PRKCE: variants seen among roughly 807,000 people sequenced by gnomAD.
The protein encoded by PRKCE is protein kinase C epsilon, also known as protein kinase C epsilon type.
In PRKCE, 16 loss-of-function variants were observed where a neutral mutation model predicts 85.4. The ratio of observed to expected loss-of-function variants is 0.19; its 90% CI spans 0.13 to 0.28. PRKCE has a LOEUF of 0.28. Among genes scored for constraint, PRKCE ranks in the 10% least tolerant of loss-of-function variants. The pLI is 1.00. For missense variants in PRKCE, 573 were observed against 975.2 expected (o/e 0.59, Z 5.49); for synonymous variants, 388 against 371.5 (o/e 1.04, Z -0.51).
At chr2:45,808,972 C>T (rs139810660) in intron 1 of PRKCE, among the ~76,000 whole-genome samples, 3 of 152,238 alleles carry the variant, frequency 2.0e-5, no homozygotes, top group South Asian at 2.1e-4. Context: ...CTACTGTACC[C>T]GGCTCTAATC....
At chr2:45,983,680 T>C (rs1321759189) in intron 5 of PRKCE, among the ~76,000 whole-genome samples, 1 of 152,098 alleles carries the variant, frequency 6.6e-6, no homozygotes, top group Admixed American at 6.6e-5. Flanking sequence ...GACTGCCCTG[T>C]AGGGTGGTGG....
rs772155036 is a variant in PRKCE at position 46,184,887 on chromosome 2, C to G, written c.*6C>G. 29 of 1,599,648 alleles carry G rather than the reference C, an allele frequency of 1.8e-5. No individual in the cohort carries two copies. Among genetic ancestry groups the G allele is most frequent in the Non-Finnish European group, 2.4e-5 (28 of 1,179,886 alleles). Reference sequence around the variant, plus strand: ...GTGAAGACCTGATGCCCTGAGAGCCCACTGCAGTTGGACTTTGCCGATGCT... The same window carrying G: ...GTGAAGACCTGATGCCCTGAGAGCCGACTGCAGTTGGACTTTGCCGATGCT... On this transcript the variant is annotated 3_prime_UTR_variant, in exon 15 of 15. Transcript: ENST00000306156. The surrounding 1 kb of genome is among the most constrained non-coding windows in gnomAD (Gnocchi z 5.0).
intron 1 of PRKCE, among the ~76,000 whole-genome samples, chr2:45,721,882 A>G (rs1240744586): frequency 6.6e-6 from 1 of 151,568 alleles, no homozygotes; most frequent in Non-Finnish European, 1.5e-5. Flanking sequence ...GACTCTTAAA[A>G]AAAAAAAAAA....
chr2:45,796,233 G>A (rs913799489), intron 1 of PRKCE, among the ~76,000 whole-genome samples: 8 of 152,256 alleles, frequency 5.3e-5, no homozygotes, highest in South Asian at 2.1e-4. Context: ...TTTGTATAAC[G>A]TAGTAATTGA....
chr2:45,713,868 T>C (rs1337240675), intron 1 of PRKCE, among the ~76,000 whole-genome samples: 1 of 152,240 alleles, frequency 6.6e-6, no homozygotes, highest in Non-Finnish European at 1.5e-5. Context: ...CATAACAATC[T>C]TCATTTACAC....
intron 2 of PRKCE, among the ~76,000 whole-genome samples, chr2:45,886,762 T>C (rs1695334116): frequency 6.6e-6 from 1 of 152,218 alleles, no homozygotes; most frequent in Non-Finnish European, 1.5e-5. Context: ...TAAATGCCAA[T>C]GTGCTGAAAA....
chr2:45,961,670 G>A (rs949901091), intron 2 of PRKCE, among the ~76,000 whole-genome samples: 1 of 151,874 alleles, frequency 6.6e-6, no homozygotes, highest in African/African-American at 2.4e-5. Flanking sequence ...CCTTGGCCAG[G>A]GCAGTGCTAC....
rs1365958550 is a variant in PRKCE, at chr2:46,004,536, C to T, written c.967-6C>T. 14 of 1,572,894 alleles carry T rather than the reference C, an allele frequency of 8.9e-6. No individual in the cohort carries two copies. The highest frequency in any genetic ancestry group is 1.2e-5 in the Non-Finnish European group (14 of 1,165,708). On this transcript the variant is annotated splice_polypyrimidine_tract_variant and splice_region_variant and intron_variant, in intron 7 of 14. Transcript: ENST00000306156. This position sits in a 1 kb window ranked among gnomAD's most constrained non-coding sequence, Gnocchi z 4.1. ...TGCCTCTGTCCCTGCTTTCTCTCCT[C>T]TCTAGCTCATTGCTGGTGCCGAGTC...
intron 2 of PRKCE, among the ~76,000 whole-genome samples, chr2:45,882,525 C>A (rs1349742954): frequency 1.3e-5 from 2 of 152,142 alleles, no homozygotes; most frequent in African/African-American, 4.8e-5. Flanking sequence ...TTCAACTACT[C>A]CAAAGAAAAA....
chr2:45,932,715 T>A (rs1460472082), intron 2 of PRKCE, among the ~76,000 whole-genome samples: 2 of 152,250 alleles, frequency 1.3e-5, no homozygotes, highest in African/African-American at 2.4e-5. Context: ...TGGACAACCA[T>A]GACCACTATC....
chr2:45,964,738 C>A (rs1701619742), intron 2 of PRKCE, among the ~76,000 whole-genome samples: 1 of 152,218 alleles, frequency 6.6e-6, no homozygotes, highest in Admixed American at 6.5e-5. Flanking sequence ...TGCTTGGCAT[C>A]AGAAACCATG....
rs556857794 is a variant in PRKCE at position 46,129,436 on chromosome 2, A to T, written c.1593-15657A>T. ...TCCTCAACGTTATTTTATTTTTTTT[A>T]TATGTGTTGATTGTCGCTTTCCACA... is the stretch of plus-strand genomic sequence containing the variant. On this transcript the variant is annotated intron_variant, in intron 11 of 14. Coordinates refer to ENST00000306156, the MANE Select transcript of PRKCE (RefSeq NM_005400.3). 3.3e-5 allele frequency among the ~76,000 whole-genome samples: 5 copies of T among 152,172 alleles called. No individual in the cohort carries two copies. In the East Asian group the frequency reaches 9.6e-4, roughly 29 times the overall value.
At chr2:45,766,101 A>G (rs146815642) in intron 1 of PRKCE, among the ~76,000 whole-genome samples, 202 of 152,280 alleles carry the variant, frequency 1.3e-3, no homozygotes, top group African/African-American at 4.7e-3. Flanking sequence ...GTTCCCTTGC[A>G]TTGCTGGCAG....
In PRKCE at chr2:45,751,809, ATTTTTTTTTTT is replaced by A. The variant is rs34589907; in HGVS notation, c.349-91175_349-91165del. ...ACTCCAGCCTCCAAAGCTAACCACT[ATTTTTTTTTTT>A]TTTTTTTTTTTTTTTGAGACGGAGG... On this transcript the variant is annotated intron_variant, in intron 1 of 14. Transcript: ENST00000306156. Among the ~76,000 whole-genome samples the A allele has an allele frequency of 6.4e-5, 5 of 78,526 alleles. 1 individual carries two copies. The highest frequency in any genetic ancestry group is 8.6e-3 in the Middle Eastern group (1 of 116). The allele number at this position is 78,526 out of a possible 152,430, so 51.5% of individuals were successfully genotyped here.
At chr2:45,656,818 G>C (rs185728757) in intron 1 of PRKCE, among the ~76,000 whole-genome samples, 1 of 152,364 alleles carries the variant, frequency 6.6e-6, no homozygotes, top group African/African-American at 2.4e-5. Context: ...TTGCAGGCCA[G>C]AGAGGGCTCC....
Position 45,711,391 on chromosome 2 carries a change from A to G in PRKCE, c.348+58943A>G, listed in dbSNP as rs528190128. Among the ~76,000 whole-genome samples, 5 of 152,322 alleles carry G rather than the reference A, an allele frequency of 3.3e-5. No homozygotes were observed. The South Asian group carries it at 1.0e-3, about 32-fold the overall frequency. The stretch of plus-strand genomic sequence containing the variant: ...GCTGCAAATCACAGCTCTGCTACCT[A>G]TGACCTGGGTGACCTGGAGTAAGTC... On this transcript the variant is annotated intron_variant, in intron 1 of 14. Transcript: ENST00000306156.
At chr2:45,794,856 C>CA (rs1201958515) in intron 1 of PRKCE, among the ~76,000 whole-genome samples, 6 of 145,032 alleles carry the variant, frequency 4.1e-5, no homozygotes, top group South Asian at 2.2e-4. Context: ...CCCCCCCCCC[C>CA]ATCCACCATT....
At chr2:46,133,832 C>G (rs1421350832) in intron 11 of PRKCE, among the ~76,000 whole-genome samples, 2 of 152,136 alleles carry the variant, frequency 1.3e-5, no homozygotes, top group African/African-American at 4.8e-5. Flanking sequence ...AAAATAATGA[C>G]AAGTTGTCAT....
intron 11 of PRKCE, among the ~76,000 whole-genome samples, chr2:46,130,524 A>T (rs1389498775): frequency 6.6e-6 from 1 of 152,238 alleles, no homozygotes; most frequent in Non-Finnish European, 1.5e-5. Flanking sequence ...AATTTTTGTC[A>T]TAGCACTTGC....
Sources: allele counts gnomAD v4.1 joint callset (sites outside exome capture counted in the v4.1 genomes callset), GRCh38; gene constraint gnomAD v4.1.1; non-coding constraint Gnocchi (gnomAD v3.1); transcripts MANE v1.5; gene names NCBI Gene and HGNC (gene_info 2026-07-23, HGNC 2026-07-21).